SUCLG2: variants seen among roughly 807,000 people sequenced by gnomAD.
The protein encoded by SUCLG2 is succinate--CoA ligase [GDP-forming] subunit beta, mitochondrial.
In SUCLG2, 42 loss-of-function variants were observed where a neutral mutation model predicts 47.9. The observed-to-expected ratio is 0.88, with a 90% CI of 0.69 to 1.14. The LOEUF (loss-of-function observed/expected upper bound fraction) is 1.14, where lower values mean the gene tolerates loss of function less well. SUCLG2 is among the 50% of genes most tolerant of loss of function. The pLI, the probability that SUCLG2 is intolerant of heterozygous loss-of-function variation, is 0.00. For missense variants in SUCLG2, 571 were observed against 525.9 expected (o/e 1.09, Z -0.84); for synonymous variants, 195 against 197.3 (o/e 0.99, Z 0.10).
intron 2 of SUCLG2, among the ~76,000 whole-genome samples, chr3:67,551,077 T>A (rs1707002137): frequency 6.6e-6 from 1 of 152,196 alleles, no homozygotes; most frequent in Non-Finnish European, 1.5e-5. Context: ...TTTTGCCAAG[T>A]GTTAAGAATA....
At chr3:67,488,721 C>A (rs777716765) in intron 9 of SUCLG2, among the ~76,000 whole-genome samples, 4 of 152,182 alleles carry the variant, frequency 2.6e-5, no homozygotes, top group Non-Finnish European at 4.4e-5. Flanking sequence ...GCATTCAATG[C>A]TTCATTTTCT....
At chr3:67,506,465 TATG>T (rs1052767458) in intron 7 of SUCLG2, among the ~76,000 whole-genome samples, 5 of 151,768 alleles carry the variant, frequency 3.3e-5, no homozygotes, top group East Asian at 2.0e-4. Flanking sequence ...TATAATGTTT[TATG>T]ATGATTCCCT....
intron 9 of SUCLG2, among the ~76,000 whole-genome samples, chr3:67,490,102 G>C (rs1705168510): frequency 6.6e-6 from 1 of 152,196 alleles, no homozygotes; most frequent in African/African-American, 2.4e-5. Context: ...TTTTGGTTTG[G>C]AGCTGCTCAA....
At chr3:67,584,505 T>A (rs889660377) in intron 2 of SUCLG2, among the ~76,000 whole-genome samples, 6 of 152,190 alleles carry the variant, frequency 3.9e-5, no homozygotes, top group Non-Finnish European at 8.8e-5. Context: ...GAACTAAACT[T>A]CTTTCACTTA....
chr3:67,578,254 TAAAAA>T (rs546270610), intron 2 of SUCLG2, among the ~76,000 whole-genome samples: 1 of 139,110 alleles, frequency 7.2e-6, no homozygotes. Context: ...ATATCATATA[TAAAAA>T]AATTTTATAT....
Position 67,520,783 on chromosome 3 carries a change from C to T in SUCLG2, c.418-149G>A, listed in dbSNP as rs114900127. The T allele has an allele frequency of 3.9e-3, 3,311 of 842,644 alleles. 11 individuals carry two copies. Among genetic ancestry groups the T allele is most frequent in the Non-Finnish European group, 4.2e-3 (2,294 of 546,300 alleles). 52.2% of individuals were successfully genotyped at this position (842,644 alleles called of 1,614,324 possible). On this transcript the variant is annotated intron_variant, in intron 4 of 10. Coordinates refer to ENST00000307227, the MANE Select transcript of SUCLG2 (RefSeq NM_003848.4). Reference sequence around the variant, plus strand: ...AGTTTGCAGAGCTTTGAGAGTTCTGCTCTCATGGTGCACACAATGCCCATT... The same window carrying T: ...AGTTTGCAGAGCTTTGAGAGTTCTGTTCTCATGGTGCACACAATGCCCATT...
In SUCLG2 at chr3:67,410,421, T is replaced by TAAATAGGAAAAGGAGACAAGGAG. The variant is rs532303149; in HGVS notation, c.1063-9593_1063-9571dup. On this transcript the variant is annotated intron_variant, in intron 9 of 10. Coordinates refer to ENST00000307227, the MANE Select transcript of SUCLG2 (RefSeq NM_003848.4). ...AAGATGGAAATATTGAATGGCATTA[T>TAAATAGGAAAAGGAGACAAGGAG]AAATAGGAAAAGGAGACAAGGAGTT... is the stretch of plus-strand genomic sequence containing the variant. Among the ~76,000 whole-genome samples the TAAATAGGAAAAGGAGACAAGGAG allele has an allele frequency of 3.1e-3, 469 of 152,258 alleles. 1 individual carries two copies. Among genetic ancestry groups the TAAATAGGAAAAGGAGACAAGGAG allele is most frequent in the Non-Finnish European group, 4.5e-3 (305 of 68,004 alleles).
rs201963384 is a variant in SUCLG2, at chr3:67,612,478, G to A, written c.85-2882C>T. 1.1e-4 allele frequency among the ~76,000 whole-genome samples: 17 copies of A among 152,252 alleles called. 1 individual carries two copies. The highest frequency in any genetic ancestry group is 6.5e-4 in the Admixed American group (10 of 15,286). ...TATGCAAATGGATGGTAGAAAGTAC[G>A]CTGGAAATGTAATATAAACTGCTGA... On this transcript the variant is annotated intron_variant, in intron 1 of 10. Coordinates refer to ENST00000307227, the MANE Select transcript of SUCLG2 (RefSeq NM_003848.4).
chr3:67,606,156 G>A (rs1271841822), intron 2 of SUCLG2, among the ~76,000 whole-genome samples: 1 of 152,152 alleles, frequency 6.6e-6, no homozygotes, highest in Non-Finnish European at 1.5e-5. Context: ...ACTGAACTAT[G>A]ATTACACCAC....
At chr3:67,571,853 T>C (rs1707621095) in intron 2 of SUCLG2, among the ~76,000 whole-genome samples, 1 of 152,250 alleles carries the variant, frequency 6.6e-6, no homozygotes, top group South Asian at 2.1e-4. Context: ...ATGCAAAATT[T>C]GTCTTCTCTT....
intron 6 of SUCLG2, among the ~76,000 whole-genome samples, chr3:67,516,398 A>T (rs777656449): frequency 3.3e-5 from 5 of 152,148 alleles, no homozygotes; most frequent in African/African-American, 7.2e-5. Context: ...TTCTCGTATA[A>T]TATGTAGTGA....
intron 9 of SUCLG2, among the ~76,000 whole-genome samples, chr3:67,438,932 A>T (rs1362942118): frequency 1.3e-5 from 2 of 152,112 alleles, no homozygotes; most frequent in Non-Finnish European, 2.9e-5. Context: ...GAGACACAAT[A>T]AAAAAAGGAA....
intron 10 of SUCLG2, among the ~76,000 whole-genome samples, chr3:67,399,663 T>G (rs1702639481): frequency 1.3e-5 from 2 of 152,204 alleles, no homozygotes; most frequent in African/African-American, 4.8e-5. Context: ...CTTTGGAAGA[T>G]CTGCATAATC....
chr3:67,370,773 C>T (rs1423501786), downstream of SUCLG2, among the ~76,000 whole-genome samples: 3 of 152,180 alleles, frequency 2.0e-5, no homozygotes, highest in Admixed American at 1.3e-4. Context: ...CTGTACTAAT[C>T]TATTTTCTGA....
intron 10 of SUCLG2, among the ~76,000 whole-genome samples, chr3:67,380,584 G>A (rs1005227622): frequency 6.6e-6 from 1 of 152,038 alleles, no homozygotes; most frequent in Admixed American, 6.5e-5. Context: ...GTTTTTGAAG[G>A]GATTCTCATA....
intron 1 of SUCLG2, among the ~76,000 whole-genome samples, chr3:67,653,608 A>G (rs1701326105): frequency 6.6e-6 from 1 of 152,238 alleles, no homozygotes; most frequent in African/African-American, 2.4e-5. Context: ...AAATGGGGAA[A>G]TAGGCAAGGT....
intron 9 of SUCLG2, among the ~76,000 whole-genome samples, chr3:67,426,110 G>A (rs1356659163): frequency 6.6e-6 from 1 of 152,100 alleles, no homozygotes; most frequent in East Asian, 1.9e-4. Context: ...TATTCCAGGA[G>A]GTTAGACAAG....
At chr3:67,420,873 G>C (rs1703142333) in intron 9 of SUCLG2, among the ~76,000 whole-genome samples, 1 of 152,130 alleles carries the variant, frequency 6.6e-6, no homozygotes, top group African/African-American at 2.4e-5. Flanking sequence ...AAACATGACT[G>C]TCATCTTTTC....
intron 2 of SUCLG2, among the ~76,000 whole-genome samples, chr3:67,548,603 A>G (rs919281102): frequency 6.6e-6 from 1 of 152,204 alleles, no homozygotes; most frequent in Non-Finnish European, 1.5e-5. Context: ...GAAATACCCA[A>G]ATCTCATGTG....
Sources: gnomAD v4.1 joint callset for allele counts (sites outside exome capture counted in the v4.1 genomes callset) on GRCh38, gnomAD v4.1.1 for gene constraint, MANE v1.5 for transcripts, NCBI Gene and HGNC (gene_info 2026-07-23, HGNC 2026-07-21) for gene names.